The following THSD4 variants were observed in gnomAD, a reference collection of about 807,000 sequenced individuals.
THSD4 encodes the protein thrombospondin type 1 domain containing 4.
Under a neutral mutation model 119.0 loss-of-function variants are expected in THSD4, and 69 were observed. The observed-to-expected ratio is 0.58, with a 90% CI of 0.48 to 0.71. The LOEUF is 0.71. Ranked by LOEUF, THSD4 falls within the 30% of genes least tolerant of loss-of-function variation. THSD4 has a pLI of 0.00. For missense variants in THSD4, 1,393 were observed against 1,391.1 expected (o/e 1.00, Z -0.02); for synonymous variants, 524 against 540.4 (o/e 0.97, Z 0.42).
At chr15:71,345,630 A>G (rs1159403498) in intron 6 of THSD4, among the ~76,000 whole-genome samples, 2 of 152,122 alleles carry the variant, frequency 1.3e-5, no homozygotes, top group Non-Finnish European at 2.9e-5. Context: ...TAATTGTGAC[A>G]GGTCCAGGCC....
intron 8 of THSD4, among the ~76,000 whole-genome samples, chr15:71,679,136 C>T (rs540118393): frequency 6.6e-6 from 1 of 152,256 alleles, no homozygotes; most frequent in East Asian, 1.9e-4. Context: ...CGATACATGG[C>T]CCCTTCCCTG....
chr15:71,680,055 G>C (rs1416279746), intron 8 of THSD4, among the ~76,000 whole-genome samples: 1 of 152,160 alleles, frequency 6.6e-6, no homozygotes, highest in Non-Finnish European at 1.5e-5. Context: ...AACTGCACTT[G>C]GAAACTTGAG....
intron 7 of THSD4, among the ~76,000 whole-genome samples, chr15:71,492,210 C>T (rs2047930616): frequency 6.6e-6 from 1 of 151,240 alleles, no homozygotes. Context: ...GATGGGACAC[C>T]ATTAGTCTAA....
intron 6 of THSD4, chr15:71,341,658 C>G (rs1216624135): frequency 6.6e-7 from 1 of 1,522,366 alleles, no homozygotes; most frequent in African/African-American, 1.4e-5. Context: ...AGATTGGAAC[C>G]TCTTGATTTG....
At chr15:71,682,382 G>A (rs1422135057) in intron 8 of THSD4, among the ~76,000 whole-genome samples, 2 of 152,156 alleles carry the variant, frequency 1.3e-5, no homozygotes, top group Non-Finnish European at 2.9e-5. Context: ...CACGTCACTA[G>A]TACTCAGATG....
intron 3 of THSD4, among the ~76,000 whole-genome samples, chr15:71,201,955 G>C (rs1192167716): frequency 1.3e-5 from 2 of 152,152 alleles, no homozygotes; most frequent in Non-Finnish European, 2.9e-5. Context: ...TGAATAGCTG[G>C]GGCCAGAAGG....
At chr15:71,223,343 AAACT>A (rs1316723709) in intron 4 of THSD4, among the ~76,000 whole-genome samples, 1 of 152,234 alleles carries the variant, frequency 6.6e-6, no homozygotes, top group Non-Finnish European at 1.5e-5. Context: ...TAAGTTTGAT[AAACT>A]AACACCTCTT....
At chr15:71,365,968 C>G (rs1270154135) in intron 6 of THSD4, among the ~76,000 whole-genome samples, 1 of 152,190 alleles carries the variant, frequency 6.6e-6, no homozygotes, top group African/African-American at 2.4e-5. Flanking sequence ...TACCACTCCC[C>G]TCTCTAAACT....
At chr15:71,655,472 T>G (rs2051172066) in intron 7 of THSD4, among the ~76,000 whole-genome samples, 1 of 152,224 alleles carries the variant, frequency 6.6e-6, no homozygotes, top group African/African-American at 2.4e-5. Context: ...TGATGAGATT[T>G]ACTTAAAAGT....
intron 7 of THSD4, among the ~76,000 whole-genome samples, chr15:71,446,454 A>G (rs1182642725): frequency 6.6e-6 from 1 of 152,190 alleles, no homozygotes; most frequent in Admixed American, 6.5e-5. Flanking sequence ...TTATCACACT[A>G]CTATCTTACC....
rs190281019 is a variant in THSD4, at chr15:71,236,612, C to T, written c.465-6037C>T. Among the ~76,000 whole-genome samples the T allele has an allele frequency of 1.0e-3, 155 of 152,240 alleles. 1 individual carries two copies. Among genetic ancestry groups the T allele is most frequent in the Non-Finnish European group, 1.7e-3 (114 of 68,010 alleles). Reference sequence around the variant, plus strand: ...AATAATGATGAGGGGAGATTTTTCTCCCTTTGGCAATAGTGGTTTGAGCCA... The same window carrying T: ...AATAATGATGAGGGGAGATTTTTCTTCCTTTGGCAATAGTGGTTTGAGCCA... On this transcript the variant is annotated intron_variant, in intron 4 of 17. Coordinates refer to ENST00000261862, the MANE Select transcript of THSD4 (RefSeq NM_024817.3).
Position 71,122,337 on chromosome 15 carries a change from A to G in THSD4, c.-80+6639A>G, listed in dbSNP as rs377024580. On this transcript the variant is annotated intron_variant, in intron 1 of 17. Transcript: ENST00000261862. The stretch of plus-strand genomic sequence containing the variant: ...AAACTGAGGCTCAGAGAGGCTAAGG[A>G]ATGTTCACAGGCTCACACAGCAAGT... 9.2e-5 allele frequency among the ~76,000 whole-genome samples: 14 copies of G among 152,306 alleles called. No individual in the cohort carries two copies. The South Asian group carries it at 2.9e-3, about 32-fold the overall frequency.
intron 1 of THSD4, among the ~76,000 whole-genome samples, chr15:71,138,113 A>T (rs1475459969): frequency 6.6e-6 from 1 of 152,180 alleles, no homozygotes; most frequent in Non-Finnish European, 1.5e-5. Flanking sequence ...AGACTGGGTC[A>T]TTTATAAATA....
chr15:71,619,638 CTATT>C (rs1251436764), intron 7 of THSD4, among the ~76,000 whole-genome samples: 1 of 152,184 alleles, frequency 6.6e-6, no homozygotes, highest in East Asian at 1.9e-4. Flanking sequence ...TTGCTCCTAT[CTATT>C]CTGTTTCTTT....
chr15:71,645,255 TGA>T, intron 7 of THSD4, among the ~76,000 whole-genome samples: 1 of 152,114 alleles, frequency 6.6e-6, no homozygotes, highest in East Asian at 1.9e-4. Flanking sequence ...GAGGCTTAAT[TGA>T]CTCACAATTC....
intron 6 of THSD4, among the ~76,000 whole-genome samples, chr15:71,326,714 T>A (rs2045350292): frequency 1.3e-5 from 1 of 76,194 alleles, no homozygotes; most frequent in Non-Finnish European, 2.8e-5. Context: ...TATATATATA[T>A]ATATATATAT....
intron 7 of THSD4, among the ~76,000 whole-genome samples, chr15:71,489,483 G>T (rs1242194759): frequency 6.6e-6 from 1 of 152,126 alleles, no homozygotes; most frequent in Non-Finnish European, 1.5e-5. Flanking sequence ...ACCATCTTCT[G>T]TGGGGACTCC....
intron 4 of THSD4, among the ~76,000 whole-genome samples, chr15:71,222,053 A>G (rs1453996239): frequency 6.6e-6 from 1 of 152,106 alleles, no homozygotes; most frequent in Admixed American, 6.5e-5. Context: ...CTTTGGAAAA[A>G]TGCCTGTTGG....
chr15:71,478,789 G>A lies in THSD4; in HGVS notation c.1152+66966G>A, dbSNP rs1369322379. 2.6e-5 allele frequency among the ~76,000 whole-genome samples: 4 copies of A among 152,194 alleles called. No individual in the cohort carries two copies. In the South Asian group the frequency reaches 6.2e-4, roughly 24 times the overall value. Reference sequence around the variant, plus strand: ...ACCAAATGAGGGGACCACAAAGGACGAGAATCATATGAGCCTTTTCCAGAC... The same window carrying A: ...ACCAAATGAGGGGACCACAAAGGACAAGAATCATATGAGCCTTTTCCAGAC... On this transcript the variant is annotated intron_variant, in intron 7 of 17. Transcript: ENST00000261862.
Sources: allele counts gnomAD v4.1 joint callset (sites outside exome capture counted in the v4.1 genomes callset), GRCh38; gene constraint gnomAD v4.1.1; transcripts MANE v1.5; gene names NCBI Gene and HGNC (gene_info 2026-07-23, HGNC 2026-07-21).